Variants in TLK2 observed in about 807,000 individuals in gnomAD.
TLK2 encodes tousled like kinase 2, also known as serine/threonine-protein kinase tousled-like 2.
In TLK2, 6 loss-of-function variants were observed where a neutral mutation model predicts 117.3. That is an observed-to-expected ratio of 0.05 (90% CI 0.03 to 0.10). The LOEUF (loss-of-function observed/expected upper bound fraction) is 0.10, where lower values mean the gene tolerates loss of function less well. Ranked by LOEUF, TLK2 falls within the 10% of genes least tolerant of loss-of-function variation. TLK2 has a pLI of 1.00. For missense variants in TLK2, 299 were observed against 901.2 expected (o/e 0.33, Z 8.56); for synonymous variants, 257 against 316.7 (o/e 0.81, Z 2.00).
intron 2 of TLK2, among the ~76,000 whole-genome samples, chr17:62,513,729 C>T (rs1384532803): frequency 6.6e-6 from 1 of 152,038 alleles, no homozygotes; most frequent in East Asian, 1.9e-4. Context: ...GGCTCTGTCA[C>T]CCAGGCTAGA....
chr17:62,515,733 C>G (rs2075525735), intron 2 of TLK2, among the ~76,000 whole-genome samples: 1 of 152,094 alleles, frequency 6.6e-6, no homozygotes, highest in Non-Finnish European at 1.5e-5. Context: ...TTATTAATGC[C>G]TTACCATATA....
intron 3 of TLK2, among the ~76,000 whole-genome samples, chr17:62,521,074 C>T (rs758402392): frequency 5.3e-5 from 8 of 152,128 alleles, no homozygotes; most frequent in Non-Finnish European, 8.8e-5. Context: ...GTCGGAGGAT[C>T]GTTTGCACCC....
chr17:62,478,557 C>T (rs1340510435), upstream of TLK2, among the ~76,000 whole-genome samples: 1 of 150,134 alleles, frequency 6.7e-6, no homozygotes, highest in East Asian at 2.0e-4. Context: ...CAGCCGGCGC[C>T]GCCCGTCGCC....
intron 2 of TLK2, among the ~76,000 whole-genome samples, chr17:62,520,200 A>G (rs1442294887): frequency 6.6e-6 from 1 of 151,980 alleles, no homozygotes; most frequent in Non-Finnish European, 1.5e-5. Context: ...GCTGGGAGAG[A>G]GGGTCGTTGG....
At position 62,606,111 on chromosome 17, in the gene TLK2, T is replaced by C. The variant is rs754249143; in HGVS notation, c.1860-19T>C. On this transcript the variant is annotated intron_variant, in intron 19 of 21. Coordinates refer to ENST00000346027, the MANE Select transcript of TLK2 (RefSeq NM_006852.6). ...ATATGATCATTATTCTAATAATTTA[T>C]ATTTCTTTTTTGTCCCAGGTATTTA... is the stretch of plus-strand genomic sequence containing the variant. 8.4e-7 allele frequency: 1 copy of C among 1,196,864 alleles called. No homozygotes were observed. Among genetic ancestry groups the C allele is most frequent in the Admixed American group, 2.0e-5 (1 of 50,898 alleles). 74.1% of individuals were successfully genotyped at this position (1,196,864 alleles called of 1,614,324 possible).
intron 1 of TLK2, among the ~76,000 whole-genome samples, chr17:62,473,429 G>A (rs192979238): frequency 8.5e-5 from 13 of 152,300 alleles, no homozygotes; most frequent in African/African-American, 2.9e-4. Context: ...AATATAACAC[G>A]CTAAATACTA....
chr17:62,528,349 G>T (rs2076516958), intron 6 of TLK2, among the ~76,000 whole-genome samples: 1 of 152,138 alleles, frequency 6.6e-6, no homozygotes, highest in Non-Finnish European at 1.5e-5. Flanking sequence ...TCATGCAGGA[G>T]TTGGCAAAAG....
chr17:62,577,343 T>C (rs546762705), intron 13 of TLK2, among the ~76,000 whole-genome samples: 1 of 152,304 alleles, frequency 6.6e-6, no homozygotes, highest in East Asian at 1.9e-4. Flanking sequence ...CAGATAATTC[T>C]GTACACATCA....
Position 62,536,204 on chromosome 17 carries a change from G to T in TLK2, c.398G>T (p.Gly133Val), listed in dbSNP as rs781325971. ...RVEQPLYGLD[G>V]SAAKEATEEQ... ...GAACAGCCCCTCTATGGTTTAGATG[G>T]CAGTGCTGCAAAGGAGGCAACGGAG... The change falls in exon 7 of 22, where the codon GGC becomes GTC. Residue 133 changes from glycine to valine, a missense_variant. This residue lies in a region of TLK2 where 105 missense variants were observed against 218.4 expected (regional missense o/e 0.48). Transcript: ENST00000346027. 2.5e-6 allele frequency: 4 copies of T among 1,612,292 alleles called. No homozygotes were observed. Among genetic ancestry groups the T allele is most frequent in the Admixed American group, 3.3e-5 (2 of 59,960 alleles).
At chr17:62,472,819 A>G (rs969057054) in intron 1 of TLK2, among the ~76,000 whole-genome samples, 1 of 151,882 alleles carries the variant, frequency 6.6e-6, no homozygotes, top group African/African-American at 2.4e-5. Context: ...CAAGATAGGG[A>G]AAGTACAACT....
At chr17:62,575,548 T>A (rs1401447584) in intron 12 of TLK2, among the ~76,000 whole-genome samples, 1 of 152,206 alleles carries the variant, frequency 6.6e-6, no homozygotes, top group East Asian at 1.9e-4. Flanking sequence ...TTAGAATATA[T>A]CTAAACAGTG....
chr17:62,600,593 G>GTAGT, intron 17 of TLK2, 58 bp from the exon 18 acceptor site: 1 of 1,450,930 alleles, frequency 6.9e-7, no homozygotes, highest in Non-Finnish European at 9.2e-7. Flanking sequence ...ACTAATTTAG[G>GTAGT]TAGTGTTAAT....
At chr17:62,525,560 C>T (rs572445357) in intron 6 of TLK2, among the ~76,000 whole-genome samples, 2 of 151,936 alleles carry the variant, frequency 1.3e-5, no homozygotes, top group South Asian at 2.1e-4. Flanking sequence ...GTGATTCTCC[C>T]AAATCAACTT....
chr17:62,522,831 A>T (rs1473537625), intron 4 of TLK2, among the ~76,000 whole-genome samples: 1 of 152,162 alleles, frequency 6.6e-6, no homozygotes, highest in Non-Finnish European at 1.5e-5. Flanking sequence ...CATCCTTCTT[A>T]TCTTTTAAAA....
rs114169238 is a variant in TLK2 at position 62,587,232 on chromosome 17, A to T, written c.1460+1006A>T. ...TTCTGAACGTTGGAGTTCATGGCTCATTTGCTTTAGAGGCTATGCAGACTT... is the reference window on the plus strand; with the variant it reads ...TTCTGAACGTTGGAGTTCATGGCTCTTTTGCTTTAGAGGCTATGCAGACTT... On this transcript the variant is annotated intron_variant, in intron 16 of 21. Coordinates refer to ENST00000346027, the MANE Select transcript of TLK2 (RefSeq NM_006852.6). Among the ~76,000 whole-genome samples, 357 of 152,212 alleles carry T rather than the reference A, an allele frequency of 2.3e-3. 3 individuals are homozygous for T. The highest frequency in any genetic ancestry group is 6.6e-3 in the African/African-American group (274 of 41,532).
At chr17:62,596,702 A>G in intron 17 of TLK2, 28 bp downstream of exon 17, 4 of 1,589,594 alleles carry the variant, frequency 2.5e-6, no homozygotes, top group Non-Finnish European at 3.5e-6. Context: ...TTACCTTAAC[A>G]GTTATATTAT....
intron 11 of TLK2, among the ~76,000 whole-genome samples, chr17:62,568,431 CAA>C (rs57725124): frequency 5.8e-4 from 33 of 57,332 alleles, no homozygotes; most frequent in Admixed American, 7.6e-4. Context: ...GACCCTGTCT[CAA>C]AAAAAAAAAA....
chr17:62,491,255 A>T (rs551109401), intron 2 of TLK2, among the ~76,000 whole-genome samples: 2 of 151,860 alleles, frequency 1.3e-5, no homozygotes, highest in South Asian at 4.2e-4. Context: ...CGTTGTCATC[A>T]CTCTTGGCCT....
chr17:62,529,817 A>G (rs757731786), intron 6 of TLK2, among the ~76,000 whole-genome samples: 6 of 150,324 alleles, frequency 4.0e-5, no homozygotes, highest in Non-Finnish European at 5.9e-5. Context: ...TCTTGCTTCC[A>G]TTTAGATTGG....
Sources: allele counts gnomAD v4.1 joint callset (sites outside exome capture counted in the v4.1 genomes callset), GRCh38; gene constraint gnomAD v4.1.1; regional missense constraint gnomAD v4.1.1; transcripts MANE v1.5; gene names NCBI Gene and HGNC (gene_info 2026-07-23, HGNC 2026-07-21).